The following RTEL1 variants were observed in gnomAD, a reference collection of about 807,000 sequenced individuals.
RTEL1 encodes regulator of telomere length.
In RTEL1, 86 loss-of-function variants were observed where a neutral mutation model predicts 162.2. The observed-to-expected ratio is 0.53, with a 90% CI of 0.45 to 0.63. The LOEUF is 0.63. Among genes scored for constraint, RTEL1 ranks in the 30% least tolerant of loss-of-function variants. The pLI is 0.00. For missense variants in RTEL1, 1,941 were observed against 1,750.2 expected (o/e 1.11, Z -1.95); for synonymous variants, 958 against 717.9 (o/e 1.33, Z -5.35).
chr20:63,693,392 T>C lies in RTEL1; in HGVS notation c.2992+109T>C, dbSNP rs112376550. 952 of 1,371,242 alleles carry C rather than the reference T, an allele frequency of 6.9e-4. 7 individuals are homozygous for C. The African/African-American group carries it at 0.011, about 15-fold the overall frequency. 84.9% of individuals were successfully genotyped at this position (1,371,242 alleles called of 1,614,324 possible). On this transcript the variant is annotated intron_variant, in intron 30 of 34. Coordinates refer to ENST00000360203, the MANE Select transcript of RTEL1 (RefSeq NM_001283009.2). The stretch of plus-strand genomic sequence containing the variant: ...TCCTCGGGCCCTGCTTGGCCCCGCC[T>C]CTCTGTTCCCCTATGGGAGTGATGG...
chr20:63,672,930 C>T (rs2146194560), intron 9 of RTEL1, among the ~76,000 whole-genome samples: 1 of 152,370 alleles, frequency 6.6e-6, no homozygotes, highest in Admixed American at 6.5e-5. Context: ...CTCCTCTGCC[C>T]TCGGCAGCAG....
chr20:63,672,970 T>A (rs1569090088), intron 9 of RTEL1, among the ~76,000 whole-genome samples: 6 of 152,248 alleles, frequency 3.9e-5, no homozygotes, highest in Admixed American at 3.9e-4. Flanking sequence ...GCAGTGTCTC[T>A]GCCCTTCCGG....
chr20:63,689,247 A>T (rs952302557), intron 22 of RTEL1, 115 bp downstream of exon 22: 18 of 1,060,294 alleles, frequency 1.7e-5, no homozygotes, highest in Non-Finnish European at 2.5e-5. Flanking sequence ...CTTGGGTCCC[A>T]CGAGAGCGAC....
intron 7 of RTEL1, among the ~76,000 whole-genome samples, chr20:63,666,515 T>A (rs1478503377): frequency 6.6e-6 from 1 of 152,160 alleles, no homozygotes; most frequent in African/African-American, 2.4e-5. Context: ...ATAAAGCTCT[T>A]CTTATATTGA....
At chr20:63,693,480 T>TCCACCACCACCACCACCA (rs1568720161) in intron 30 of RTEL1, among the ~76,000 whole-genome samples, 197 bp downstream of exon 30, 2 of 5,418 alleles carry the variant, frequency 3.7e-4, no homozygotes, top group African/African-American at 8.1e-4. Flanking sequence ...CACCTCCACC[T>TCCACCACCACCACCACCA]CCACCACCAC....
Position 63,678,223 on chromosome 20 carries a change from G to T in RTEL1, c.958+40G>T. ...CCCCGCCTCCTTGCAGCTGGGTGGG[G>T]CCTCCTCCTTGCGAGGAGGTGGGTG... On this transcript the variant is annotated intron_variant, in intron 11 of 34. Transcript: ENST00000360203. The T allele has an allele frequency of 1.9e-6, 3 of 1,612,850 alleles. No individual in the cohort carries two copies. In the African/African-American group the frequency reaches 4.0e-5, roughly 22 times the overall value.
rs368807467 is a variant in RTEL1 at position 63,693,331 on chromosome 20, G to C, written c.2992+48G>C. The C allele has an allele frequency of 1.6e-5, 25 of 1,605,632 alleles. No individual in the cohort carries two copies. In the African/African-American group the frequency reaches 1.7e-4, roughly 11 times the overall value. On this transcript the variant is annotated intron_variant, in intron 30 of 34. Coordinates refer to ENST00000360203, the MANE Select transcript of RTEL1 (RefSeq NM_001283009.2). ...CCCTCAGACTCCTGCGTGGAAGGCA[G>C]TGTGGGCCAGAGTCCTGGGCTGCTT...
At position 63,695,194 on chromosome 20, in the gene RTEL1, G is replaced by A. The variant is rs1424425949; in HGVS notation, c.3472G>A (p.Val1158Met). The change falls in exon 33 of 35, where the codon GTG becomes ATG. Residue 1158 changes from valine (V) to methionine (M), a missense_variant. Physicochemically the swap from Val to Met is conservative, Grantham distance 21. Coordinates refer to ENST00000360203, the MANE Select transcript of RTEL1 (RefSeq NM_001283009.2). The stretch of plus-strand genomic sequence containing the variant: ...GGAGGAGAGGCTTGCCGTGCCTCCT[G>A]TGCTTACCCACAGGGCTCCCCAACC... ...PQEERLAVPP[V>M]LTHRAPQPGP... 6.2e-7 allele frequency: 1 copy of A among 1,612,182 alleles called. No homozygotes were observed. Among genetic ancestry groups the A allele is most frequent in the South Asian group, 1.1e-5 (1 of 91,074 alleles).
intron 4 of RTEL1, 145 bp downstream of exon 4, chr20:63,662,088 C>G (rs1386562586): frequency 1.4e-6 from 1 of 701,722 alleles, no homozygotes; most frequent in African/African-American, 1.8e-5. Context: ...GCGCTGGTGC[C>G]CAGGGGTGGG....
chr20:63,659,432 C>T lies in RTEL1; in HGVS notation c.30C>T (p.Thr10=), dbSNP rs746437645. 10 of 1,614,098 alleles carry T rather than the reference C, an allele frequency of 6.2e-6. No homozygotes were observed. The highest frequency in any genetic ancestry group is 8.5e-6 in the Non-Finnish European group (10 of 1,179,942). The change falls in exon 2 of 35, where the codon ACC becomes ACT. Residue 10 remains threonine (T), a synonymous_variant. Transcript: ENST00000360203. MPKIVLNGV[T]VDFPFQPYKC... is the part of the protein sequence containing the mutation. The stretch of plus-strand genomic sequence containing the variant: ...CCAAGATAGTCCTGAATGGTGTGAC[C>T]GTAGACTTCCCTTTCCAGCCCTACA...
intron 21 of RTEL1, 162 bp from the exon 22 acceptor site, chr20:63,688,893 G>C (rs1263748728): frequency 1.8e-5 from 13 of 735,654 alleles, no homozygotes; most frequent in Non-Finnish European, 3.0e-5. Context: ...GCAGGCGTGG[G>C]GTCAGCCTGG....
At chr20:63,679,993 G>T in intron 13 of RTEL1, 47 bp downstream of exon 13, 3 of 1,361,336 alleles carry the variant, frequency 2.2e-6, no homozygotes, top group Non-Finnish European at 2.0e-6. Context: ...GTGGCGTAGG[G>T]GGTGCAGCAG....
At chr20:63,693,081 A>T in intron 29 of RTEL1, 62 bp from the exon 30 acceptor site, 1 of 1,610,822 alleles carries the variant, frequency 6.2e-7, no homozygotes, top group Non-Finnish European at 8.5e-7. Flanking sequence ...TCTGGGTCCA[A>T]GGTGGTCTCT....
At chr20:63,691,704 TG>T (rs760061073) in intron 27 of RTEL1, 37 bp from the exon 28 acceptor site, 1 of 1,564,600 alleles carries the variant, frequency 6.4e-7, no homozygotes, top group Non-Finnish European at 8.8e-7. Flanking sequence ...AGTGTGTGGT[TG>T]GGGTCTGTGT....
At chr20:63,675,678 T>G (rs1349828569) in intron 10 of RTEL1, among the ~76,000 whole-genome samples, 1 of 152,126 alleles carries the variant, frequency 6.6e-6, no homozygotes, top group Non-Finnish European at 1.5e-5. Flanking sequence ...TGCCACCGGC[T>G]CTCAAGATTG....
intron 19 of RTEL1, 51 bp from the exon 20 acceptor site, chr20:63,688,250 A>G: frequency 6.2e-7 from 1 of 1,609,156 alleles, no homozygotes; most frequent in Non-Finnish European, 8.5e-7. Context: ...GCTGGTAGGG[A>G]ACCCTGCAGA....
At chr20:63,691,509 C>T (rs939662513) in intron 27 of RTEL1, among the ~76,000 whole-genome samples, 21 of 152,128 alleles carry the variant, frequency 1.4e-4, no homozygotes, top group Admixed American at 1.2e-3. Flanking sequence ...GTCGGACTGT[C>T]TTCCCTGGAC....
Position 63,679,900 on chromosome 20 carries a change from C to T in RTEL1, c.1089C>T (p.Gly363=), listed in dbSNP as rs1601138671. 1.2e-6 allele frequency: 2 copies of T among 1,612,534 alleles called. No individual in the cohort carries two copies. Among genetic ancestry groups the T allele is most frequent in the Non-Finnish European group, 1.7e-6 (2 of 1,179,982 alleles). The change falls in exon 13 of 35, where the codon GGC becomes GGT. Residue 363 remains glycine (G), a synonymous_variant. Transcript: ENST00000360203. The stretch of plus-strand genomic sequence containing the variant: ...CCCAGATCACGTTTCAGACCAAGGG[C>T]TGCATCCTGGACTCGCTGGACCAGA... ...AEAQITFQTK[G]CILDSLDQII...
chr20:63,678,457 G>A (rs1021629539), intron 12 of RTEL1, 111 bp downstream of exon 12: 4 of 1,042,718 alleles, frequency 3.8e-6, no homozygotes, highest in Non-Finnish European at 5.5e-6. Context: ...TTTCAGGCCT[G>A]TTTTCCCTTT....
Sources: allele counts gnomAD v4.1 joint callset (sites outside exome capture counted in the v4.1 genomes callset), GRCh38; gene constraint gnomAD v4.1.1; transcripts MANE v1.5; gene names NCBI Gene and HGNC (gene_info 2026-07-23, HGNC 2026-07-21).